The following CLYBL variants were observed in gnomAD, a reference collection of about 807,000 sequenced individuals.
The protein encoded by CLYBL is citramalyl-CoA lyase, mitochondrial.
In CLYBL, 31 loss-of-function variants were observed where a neutral mutation model predicts 38.9. That is an observed-to-expected ratio of 0.80 (90% CI 0.60 to 1.08). The LOEUF is 1.08. Among genes scored for constraint, CLYBL ranks in the 50% least tolerant of loss-of-function variants. CLYBL has a pLI of 0.00. For missense variants in CLYBL, 434 were observed against 411.6 expected, an observed-to-expected ratio of 1.05 and a Z score of -0.47; for synonymous variants, 171 against 158.6, an observed-to-expected ratio of 1.08 and a Z score of -0.59.
At chr13:99,885,054 C>T (rs765816413) in intron 7 of CLYBL, 2 of 528,460 alleles carry the variant, frequency 3.8e-6, no homozygotes, top group East Asian at 5.5e-5. Context: ...AGAGCATCTC[C>T]CGTGTACCTG....
chr13:99,814,366 G>A (rs562211003), intron 2 of CLYBL, among the ~76,000 whole-genome samples: 23 of 152,256 alleles, frequency 1.5e-4, no homozygotes, highest in Admixed American at 1.5e-3. Flanking sequence ...TTCAGGGCAT[G>A]GGAACTTAAC....
chr13:99,712,478 G>C (rs892233119), intron 1 of CLYBL, among the ~76,000 whole-genome samples: 1 of 151,544 alleles, frequency 6.6e-6, no homozygotes, highest in Non-Finnish European at 1.5e-5. Context: ...GGGAATACAG[G>C]TGCGTGCCAC....
At chr13:99,805,179 G>A (rs996636016) in intron 2 of CLYBL, among the ~76,000 whole-genome samples, 1 of 152,092 alleles carries the variant, frequency 6.6e-6, no homozygotes, top group Admixed American at 6.6e-5. Flanking sequence ...AGACACTTGG[G>A]TTCTTTCCAC....
At chr13:99,895,715 G>C (rs1019299328), downstream of CLYBL, 5 of 152,146 alleles carry the variant, frequency 3.3e-5, no homozygotes, top group Non-Finnish European at 5.9e-5. Flanking sequence ...ATCGCCTTCC[G>C]AGTCAGTAAG....
intron 7 of CLYBL, among the ~76,000 whole-genome samples, chr13:99,889,104 T>C (rs2052422939): frequency 6.6e-6 from 1 of 152,200 alleles, no homozygotes; most frequent in Non-Finnish European, 1.5e-5. Flanking sequence ...CTTGAAAAAC[T>C]ACATGAAGTG....
At chr13:99,818,446 A>AACACACACACAC (rs57249330) in intron 2 of CLYBL, among the ~76,000 whole-genome samples, 3,215 of 143,270 alleles carry the variant, frequency 0.022, 59 homozygotes, top group African/African-American at 0.035. Context: ...TGGAGCAGAA[A>AACACACACACAC]ACACACACAC....
At chr13:99,889,028 G>T (rs974521869) in intron 7 of CLYBL, among the ~76,000 whole-genome samples, 1 of 152,070 alleles carries the variant, frequency 6.6e-6, no homozygotes. Flanking sequence ...ATTTCGTTTT[G>T]CACCTTAAGC....
chr13:99,622,159 C>G (rs1374476522), intron 1 of CLYBL, among the ~76,000 whole-genome samples: 1 of 152,218 alleles, frequency 6.6e-6, no homozygotes, highest in African/African-American at 2.4e-5. Context: ...TTAGAAGCAC[C>G]CTTGTGATTA....
chr13:99,649,276 C>T (rs1179517509), intron 1 of CLYBL, among the ~76,000 whole-genome samples: 1 of 152,054 alleles, frequency 6.6e-6, no homozygotes, highest in Non-Finnish European at 1.5e-5. Context: ...TAATAGCAAC[C>T]CTTTGTTATT....
At chr13:99,761,355 GA>G (rs1176278961) in intron 1 of CLYBL, among the ~76,000 whole-genome samples, 1 of 152,074 alleles carries the variant, frequency 6.6e-6, no homozygotes. Flanking sequence ...GCCAACTCAA[GA>G]AAAAAATATA....
At chr13:99,908,343 G>A (rs2052718174) in exon 10 of CLYBL, among the ~76,000 whole-genome samples, 1 of 152,154 alleles carries the variant, frequency 6.6e-6, no homozygotes, top group Non-Finnish European at 1.5e-5. Flanking sequence ...TTGTGGAATC[G>A]TTCCTGCTTC....
chr13:99,709,435 C>T (rs539418427), intron 1 of CLYBL, among the ~76,000 whole-genome samples: 129 of 152,254 alleles, frequency 8.5e-4, no homozygotes, highest in African/African-American at 2.7e-3. Context: ...CTCATTGACC[C>T]GAGAACCTGC....
At chr13:99,613,403 G>A (rs563232442) in intron 1 of CLYBL, among the ~76,000 whole-genome samples, 21 of 152,284 alleles carry the variant, frequency 1.4e-4, no homozygotes, top group Admixed American at 5.9e-4. Context: ...TGAGGAAGCA[G>A]CAGGGCCATG....
At chr13:99,740,408 G>A (rs772613999) in intron 1 of CLYBL, among the ~76,000 whole-genome samples, 2 of 152,176 alleles carry the variant, frequency 1.3e-5, no homozygotes, top group East Asian at 1.9e-4. Context: ...CCACTCACTC[G>A]CTGGCTTGGA....
At position 99,671,820 on chromosome 13, in the gene CLYBL, T is replaced by C. The variant is rs901513121; in HGVS notation, c.62+65063T>C. On this transcript the variant is annotated intron_variant, in intron 1 of 8. Coordinates refer to ENST00000339105, the MANE Select transcript of CLYBL (RefSeq NM_206808.5). ...ATAATAAAAGCTACTGCAAAAGTCC[T>C]CCTAGTAGGTGACAGGGACTCAAAC... 1.3e-4 allele frequency among the ~76,000 whole-genome samples: 20 copies of C among 151,588 alleles called. No individual in the cohort carries two copies. In the East Asian group the frequency reaches 3.7e-3, roughly 28 times the overall value.
At chr13:99,884,665 C>T (rs1462581093) in intron 7 of CLYBL, among the ~76,000 whole-genome samples, 1 of 152,212 alleles carries the variant, frequency 6.6e-6, no homozygotes, top group African/African-American at 2.4e-5. Flanking sequence ...TGCCTGCTGT[C>T]GTAAGTCCCT....
intron 7 of CLYBL, among the ~76,000 whole-genome samples, chr13:99,878,239 T>A (rs900343719): frequency 1.3e-5 from 2 of 152,252 alleles, no homozygotes; most frequent in Admixed American, 1.3e-4. Flanking sequence ...TCATCAGTTG[T>A]TATTCATCAA....
intron 1 of CLYBL, among the ~76,000 whole-genome samples, chr13:99,707,039 T>A (rs1003775216): frequency 2.0e-5 from 3 of 152,070 alleles, no homozygotes; most frequent in African/African-American, 4.8e-5. Flanking sequence ...TTTAAACATA[T>A]TAGGCATCAC....
intron 1 of CLYBL, among the ~76,000 whole-genome samples, chr13:99,676,626 T>G (rs2047656815): frequency 6.7e-6 from 1 of 149,758 alleles, no homozygotes; most frequent in Non-Finnish European, 1.5e-5. Flanking sequence ...GGAGTTTTGC[T>G]CTTGTTGCCC....
Sources: gnomAD v4.1 joint callset for allele counts (sites outside exome capture counted in the v4.1 genomes callset) on GRCh38, gnomAD v4.1.1 for gene constraint, MANE v1.5 for transcripts, NCBI Gene and HGNC (gene_info 2026-07-23, HGNC 2026-07-21) for gene names.